LRRIQ3: variants seen among roughly 807,000 people sequenced by gnomAD.
LRRIQ3 encodes the protein leucine-rich repeat and IQ domain-containing protein 3.
Under a neutral mutation model 59.3 loss-of-function variants are expected in LRRIQ3, and 75 were observed. The observed-to-expected ratio is 1.26, with a 90% CI of 1.05 to 1.53. The LOEUF (loss-of-function observed/expected upper bound fraction) is 1.53. LRRIQ3 is among the 40% of genes most tolerant of loss of function. LRRIQ3 has a pLI of 0.00. For missense variants in LRRIQ3, 831 were observed against 710.0 expected (o/e 1.17, Z -1.94); for synonymous variants, 250 against 231.3 (o/e 1.08, Z -0.73).
At chr1:74,036,290 G>A (rs188855574) in intron 7 of LRRIQ3, among the ~76,000 whole-genome samples, 13 of 152,270 alleles carry the variant, frequency 8.5e-5, no homozygotes, top group African/African-American at 2.6e-4. Context: ...AACCATGAGG[G>A]AAGGAATATT....
At chr1:74,084,560 A>G (rs1264035101) in intron 5 of LRRIQ3, among the ~76,000 whole-genome samples, 1 of 151,706 alleles carries the variant, frequency 6.6e-6, no homozygotes, top group East Asian at 1.9e-4. Context: ...TTGAGAATAT[A>G]TATTTATTTC....
chr1:74,124,406 T>C (rs1213692383), intron 4 of LRRIQ3, among the ~76,000 whole-genome samples: 5 of 152,044 alleles, frequency 3.3e-5, no homozygotes, highest in Non-Finnish European at 7.4e-5. Context: ...TGCCTGTGCT[T>C]GTGGAGTATT....
At chr1:74,143,201 G>C (rs1647343287) in intron 4 of LRRIQ3, among the ~76,000 whole-genome samples, 2 of 151,854 alleles carry the variant, frequency 1.3e-5, no homozygotes, top group South Asian at 4.2e-4. Flanking sequence ...TTATTCAACT[G>C]GGTAAGATGA....
intron 7 of LRRIQ3, among the ~76,000 whole-genome samples, chr1:74,032,912 G>A (rs1653761091): frequency 6.6e-6 from 1 of 151,942 alleles, no homozygotes; most frequent in South Asian, 2.1e-4. Context: ...CTAATCATGA[G>A]ACAGCAGAAA....
At chr1:74,138,265 T>C (rs1647162418) in intron 4 of LRRIQ3, among the ~76,000 whole-genome samples, 1 of 151,898 alleles carries the variant, frequency 6.6e-6, no homozygotes, top group Admixed American at 6.6e-5. Flanking sequence ...CAGATAAGCA[T>C]AAAGACCTTT....
chr1:74,155,775 A>C lies in LRRIQ3; in HGVS notation c.665T>G (p.Val222Gly). The C allele has an allele frequency of 6.3e-7, 1 of 1,583,820 alleles. No individual in the cohort carries two copies. Among genetic ancestry groups the C allele is most frequent in the Non-Finnish European group, 8.6e-7 (1 of 1,169,196 alleles). The change falls in exon 4 of 8, where the codon GTT becomes GGT. Residue 222 changes from valine (V) to glycine (G), a missense_variant. Val to Gly is a moderately radical substitution (Grantham distance 109). Transcript: ENST00000354431. ...ILAHNSPVLI[V>G]QRWIRGFLVR... ...TAAGAAACCACGTATCCATCTTTGA[A>C]CAATCAAAACTGGTGAATTATGAGC...
At chr1:74,181,291 A>C (rs1412391637) in intron 3 of LRRIQ3, 5 of 152,280 alleles carry the variant, frequency 3.3e-5, no homozygotes, top group Non-Finnish European at 5.9e-5. Flanking sequence ...TCCTCCATTA[A>C]TCTGCTAGCA....
At chr1:74,174,206 A>C (rs1649500391) in intron 3 of LRRIQ3, among the ~76,000 whole-genome samples, 1 of 150,440 alleles carries the variant, frequency 6.6e-6, no homozygotes, top group African/African-American at 2.4e-5. Context: ...GTTTCTTCAC[A>C]CTTTTTTTTT....
intron 5 of LRRIQ3, among the ~76,000 whole-genome samples, chr1:74,094,126 G>C (rs991522956): frequency 6.6e-6 from 1 of 151,912 alleles, no homozygotes. Flanking sequence ...GGTTGGGGGA[G>C]GGGGAGATTC....
chr1:74,090,502 T>A (rs1448079047), intron 5 of LRRIQ3, among the ~76,000 whole-genome samples: 2 of 151,992 alleles, frequency 1.3e-5, no homozygotes, highest in Non-Finnish European at 2.9e-5. Context: ...TACTTAGTAA[T>A]GAAAATAAAA....
intron 4 of LRRIQ3, among the ~76,000 whole-genome samples, chr1:74,129,406 T>C (rs578181030): frequency 1.3e-5 from 2 of 152,172 alleles, no homozygotes; most frequent in African/African-American, 2.4e-5. Flanking sequence ...TTACCTCTGA[T>C]GTTTATTCAA....
intron 5 of LRRIQ3, among the ~76,000 whole-genome samples, chr1:74,080,540 C>T (rs1646262700): frequency 6.6e-6 from 1 of 151,712 alleles, no homozygotes; most frequent in Non-Finnish European, 1.5e-5. Context: ...ACACTGAACT[C>T]TGCTGTCTTT....
intron 5 of LRRIQ3, among the ~76,000 whole-genome samples, chr1:74,084,736 T>C (rs1646308746): frequency 6.6e-6 from 1 of 151,696 alleles, no homozygotes; most frequent in Non-Finnish European, 1.5e-5. Flanking sequence ...TTAATAGTAG[T>C]AAAAAGGAAT....
At chr1:74,138,542 T>C (rs1022479613) in intron 4 of LRRIQ3, 2 of 965,946 alleles carry the variant, frequency 2.1e-6, no homozygotes, top group Non-Finnish European at 1.2e-6. Flanking sequence ...GGAGAAAAAC[T>C]GCAAGTGGAA....
chr1:74,145,778 A>C (rs1647531984), intron 4 of LRRIQ3, among the ~76,000 whole-genome samples: 1 of 152,062 alleles, frequency 6.6e-6, no homozygotes, highest in African/African-American at 2.4e-5. Context: ...TCTAGTTTTA[A>C]AAATAAATCC....
At chr1:74,128,988 T>C (rs1404257115) in intron 4 of LRRIQ3, among the ~76,000 whole-genome samples, 1 of 152,024 alleles carries the variant, frequency 6.6e-6, no homozygotes, top group East Asian at 1.9e-4. Flanking sequence ...ATGAGCTACA[T>C]ATAGTTGAGG....
In LRRIQ3 at chr1:74,041,662, A is replaced by T; in HGVS notation, c.1269T>A (p.Ile423=). 1.2e-6 allele frequency: 2 copies of T among 1,613,700 alleles called. No homozygotes were observed. Among genetic ancestry groups the T allele is most frequent in the Non-Finnish European group, 1.7e-6 (2 of 1,179,800 alleles). The change falls in exon 7 of 8, where the codon ATT becomes ATA. Residue 423 remains isoleucine (I), a synonymous_variant. Coordinates refer to ENST00000354431, the MANE Select transcript of LRRIQ3 (RefSeq NM_001105659.2). The part of the protein sequence containing the change: ...AGMKLRTFSD[I]DKYYTEQKKQ... ...TCTTTTGTTCTGTGTAATATTTGTCAATATCACTAAATGTTCGGAGTTTCA... is the reference window on the plus strand; with the variant it reads ...TCTTTTGTTCTGTGTAATATTTGTCTATATCACTAAATGTTCGGAGTTTCA...
chr1:74,116,086 CA>C (rs1646772746), intron 4 of LRRIQ3, among the ~76,000 whole-genome samples: 1 of 151,722 alleles, frequency 6.6e-6, no homozygotes, highest in Admixed American at 6.6e-5. Flanking sequence ...AACCTGAAAA[CA>C]AAAAACCCCA....
chr1:74,034,347 T>A (rs1258126450), intron 7 of LRRIQ3, among the ~76,000 whole-genome samples: 2 of 152,026 alleles, frequency 1.3e-5, no homozygotes, highest in Non-Finnish European at 2.9e-5. Context: ...ACTACTCGCA[T>A]AACCAAAACA....
Sources: allele counts gnomAD v4.1 joint callset (sites outside exome capture counted in the v4.1 genomes callset), GRCh38; gene constraint gnomAD v4.1.1; transcripts MANE v1.5; gene names NCBI Gene and HGNC (gene_info 2026-07-23, HGNC 2026-07-21).